NLRC5: variants seen among roughly 807,000 people sequenced by gnomAD.
The protein encoded by NLRC5 is protein NLRC5.
Under a neutral mutation model 206.9 loss-of-function variants are expected in NLRC5, and 114 were observed. The ratio of observed to expected loss-of-function variants is 0.55; its 90% confidence interval spans 0.47 to 0.64. The LOEUF (loss-of-function observed/expected upper bound fraction) is 0.64. NLRC5 is among the 30% of genes least tolerant of loss of function. NLRC5 has a pLI of 0.00. For missense variants in NLRC5, 2,008 were observed against 2,305.5 expected (o/e 0.87, Z 2.64); for synonymous variants, 952 against 962.8 (o/e 0.99, Z 0.21).
At chr16:57,030,453 T>TGAAAAGATGGATGGATGGATGGAC (rs2061717665) in intron 10 of NLRC5, among the ~76,000 whole-genome samples, 1 of 132,016 alleles carries the variant, frequency 7.6e-6, no homozygotes, top group African/African-American at 2.9e-5. Context: ...GATGGATGGA[T>TGAAAAGATGGATGGATGGATGGAC]GGATGGATGG....
chr16:57,081,678 C>A, intron 48 of NLRC5, 68 bp downstream of exon 48: 2 of 1,392,552 alleles, frequency 1.4e-6, no homozygotes, highest in Non-Finnish European at 2.0e-6. Flanking sequence ...TCTAATGGGA[C>A]TCCCTGGAGG....
At chr16:57,055,305 C>T in intron 26 of NLRC5, 128 bp from the exon 27 acceptor site, 1 of 956,622 alleles carries the variant, frequency 1.0e-6, no homozygotes, top group Admixed American at 2.0e-5. Context: ...CTGGACACTT[C>T]CAGAGGGTCC....
intron 1 of NLRC5, among the ~76,000 whole-genome samples, chr16:57,006,631 T>A (rs2058946237): frequency 6.6e-6 from 1 of 151,810 alleles, no homozygotes; most frequent in African/African-American, 2.4e-5. Context: ...TCCTCTTTGA[T>A]CATTTAGGTT....
intron 46 of NLRC5, 96 bp downstream of exon 46, chr16:57,079,725 C>G: frequency 1.1e-6 from 1 of 901,696 alleles, no homozygotes; most frequent in Non-Finnish European, 1.8e-6. Flanking sequence ...CCTGGAGCTG[C>G]TCCCATCCTC....
At chr16:57,036,319 T>C in intron 14 of NLRC5, 136 bp downstream of exon 14, 2 of 780,376 alleles carry the variant, frequency 2.6e-6, no homozygotes, top group Non-Finnish European at 4.3e-6. Flanking sequence ...AAAGTCAAGA[T>C]GGTTTGACCA....
intron 32 of NLRC5, among the ~76,000 whole-genome samples, chr16:57,063,752 T>C (rs1045769249): frequency 1.7e-4 from 26 of 152,040 alleles, no homozygotes; most frequent in African/African-American, 6.3e-4. Flanking sequence ...TAACTTTTTT[T>C]TTTTGAGACG....
At chr16:56,998,216 TA>T (rs1360191835) in intron 1 of NLRC5, among the ~76,000 whole-genome samples, 2 of 151,074 alleles carry the variant, frequency 1.3e-5, no homozygotes, top group Non-Finnish European at 3.0e-5. Flanking sequence ...TTTTTTACTT[TA>T]AAAAAATGTA....
Position 57,066,582 on chromosome 16 carries a change from C to T in NLRC5, c.4290C>T (p.Arg1430=), listed in dbSNP as rs568375331. The T allele has an allele frequency of 2.9e-5, 46 of 1,613,908 alleles. No homozygotes were observed. The highest frequency in any genetic ancestry group is 3.6e-5 in the Non-Finnish European group (42 of 1,179,990). The part of the protein sequence containing the change: ...QQLCVQLEFP[R]QEENPEAVAL... ...TCTGTGTCCAGCTGGAATTTCCTCG[C>T]CAGGAAGAGAATCCAGAAGCTGTGG... The change falls in exon 34 of 49, where the codon CGC becomes CGT. Residue 1430 remains arginine (R), a synonymous_variant. Transcript: ENST00000688547.
At position 56,991,678 on chromosome 16, in the gene NLRC5, CTTTTTTTTTTTTT is replaced by C. The variant is rs35559322; in HGVS notation, c.-128+2072_-128+2084del. On this transcript the variant is annotated intron_variant, in intron 1 of 48. Transcript: ENST00000688547. ...GGCGTGAGCCATCTTGCCCGGACTC[CTTTTTTTTTTTTT>C]TTTTTTTTTTAATAGACATGAGGTC... Among the ~76,000 whole-genome samples, 12 of 105,634 alleles carry C rather than the reference CTTTTTTTTTTTTT, an allele frequency of 1.1e-4. 1 individual carries two copies. The highest frequency in any genetic ancestry group is 7.6e-4 in the Admixed American group (7 of 9,210). The allele number at this position is 105,634 out of a possible 152,430, so 69.3% of individuals were successfully genotyped here.
intron 22 of NLRC5, 26 bp from the exon 23 acceptor site, chr16:57,047,519 C>A: frequency 6.3e-7 from 1 of 1,598,100 alleles, no homozygotes; most frequent in Admixed American, 1.7e-5. Context: ...CTCTGATTCC[C>A]TGCCCTGCCC....
rs147610997 is a variant in NLRC5 at position 57,029,769 on chromosome 16, G to A, written c.2244-4G>A. 27 of 1,613,948 alleles carry A rather than the reference G, an allele frequency of 1.7e-5. No homozygotes were observed. Among genetic ancestry groups the A allele is most frequent in the Middle Eastern group, 1.7e-4 (1 of 6,060 alleles). On this transcript the variant is annotated splice_region_variant and splice_polypyrimidine_tract_variant and intron_variant, in intron 8 of 48. Coordinates refer to ENST00000688547, the MANE Select transcript of NLRC5 (RefSeq NM_001384950.1). The stretch of plus-strand genomic sequence containing the variant: ...AAAGGGACTGGGCCTTGGTCTCCTC[G>A]CAGTTTTCGGGACAACCAGCTCAGT...
intron 46 of NLRC5, chr16:57,080,727 A>G (rs1366597953): frequency 5.5e-6 from 1 of 182,694 alleles, no homozygotes; most frequent in African/African-American, 2.4e-5. Context: ...TTGGCCTCCC[A>G]AAGTGCTGGG....
intron 20 of NLRC5, among the ~76,000 whole-genome samples, chr16:57,044,570 T>C (rs1244561491): frequency 6.6e-6 from 1 of 151,892 alleles, no homozygotes; most frequent in African/African-American, 2.4e-5. Context: ...TCAGAGCAGG[T>C]CCCAGAGCCT....
chr16:56,991,958 T>C (rs2056934681), intron 1 of NLRC5: 1 of 151,840 alleles, frequency 6.6e-6, no homozygotes, highest in South Asian at 2.1e-4. Context: ...CATACTGGAG[T>C]AGGATGGGCC....
chr16:57,048,055 G>A (rs1353146792), intron 23 of NLRC5: 4 of 173,716 alleles, frequency 2.3e-5, no homozygotes, highest in Non-Finnish European at 3.7e-5. Flanking sequence ...ATCTGGGTCT[G>A]TAACCAGAGA....
chr16:57,077,164 A>G (rs1366600466), intron 40 of NLRC5, 132 bp from the exon 41 acceptor site: 2 of 802,500 alleles, frequency 2.5e-6, no homozygotes, highest in East Asian at 5.2e-5. Context: ...CTGTCACTCA[A>G]CATGGGGTGA....
In NLRC5 at chr16:57,033,682, G is replaced by A. The variant is rs1350832585; in HGVS notation, c.2543+13G>A. ...GCTTGACGCTCAGGTACCTTGGAGG[G>A]ATCTATTGCCTTAGGAGAGGGATAT... On this transcript the variant is annotated intron_variant, in intron 12 of 48. Transcript: ENST00000688547. 6.2e-7 allele frequency: 1 copy of A among 1,612,558 alleles called. No individual in the cohort carries two copies. Among genetic ancestry groups the A allele is most frequent in the East Asian group, 2.2e-5 (1 of 44,870 alleles).
chr16:57,035,329 C>T (rs2062412250), intron 13 of NLRC5, among the ~76,000 whole-genome samples: 2 of 152,158 alleles, frequency 1.3e-5, no homozygotes, highest in African/African-American at 4.8e-5. Flanking sequence ...CTGGCCACTT[C>T]CACCTGGCAG....
At chr16:57,036,408 T>C (rs1407427151) in intron 14 of NLRC5, among the ~76,000 whole-genome samples, 1 of 152,206 alleles carries the variant, frequency 6.6e-6, no homozygotes, top group Non-Finnish European at 1.5e-5. Flanking sequence ...AATGCGTTCA[T>C]TATACATCAG....
Sources: gnomAD v4.1 joint callset for allele counts (sites outside exome capture counted in the v4.1 genomes callset) on GRCh38, gnomAD v4.1.1 for gene constraint, MANE v1.5 for transcripts, NCBI Gene and HGNC (gene_info 2026-07-23, HGNC 2026-07-21) for gene names.